The following OSTC variants were observed in gnomAD, a reference collection of about 807,000 sequenced individuals.
The protein encoded by OSTC is oligosaccharyltransferase complex subunit OSTC.
OSTC carries 16 observed loss-of-function variants against 16.4 expected under a neutral mutation model. The ratio of observed to expected loss-of-function variants is 0.98; its 90% CI spans 0.66 to 1.49. The LOEUF (loss-of-function observed/expected upper bound fraction) is 1.49, where lower values mean the gene tolerates loss of function less well. Ranked by LOEUF, OSTC falls within the 40% of genes most tolerant of loss-of-function variation. OSTC has a pLI of 0.00. For synonymous variants in OSTC, 67 were observed against 68.5 expected, an observed-to-expected ratio of 0.98 and a Z score of 0.11; for missense variants, 139 against 186.3, an observed-to-expected ratio of 0.75 and a Z score of 1.48.
intron 3 of OSTC, among the ~76,000 whole-genome samples, chr4:108,664,222 T>TTATTTTAAGTTTGG (rs1726936108): frequency 6.6e-6 from 1 of 152,218 alleles, no homozygotes; most frequent in African/African-American, 2.4e-5. Context: ...AATATTCTTT[T>TTATTTTAAGTTTGG]CTATCTAAAT....
chr4:108,657,876 T>C (rs1578339413), intron 3 of OSTC, among the ~76,000 whole-genome samples: 1 of 151,148 alleles, frequency 6.6e-6, no homozygotes, highest in East Asian at 1.9e-4. Flanking sequence ...AAAATTTAGT[T>C]ACTTTGTCCT....
intron 1 of OSTC, among the ~76,000 whole-genome samples, chr4:108,654,189 G>A (rs1726635872): frequency 6.6e-6 from 1 of 152,222 alleles, no homozygotes; most frequent in Admixed American, 6.5e-5. Context: ...GATCATTGGT[G>A]ACCTTAGAAA....
At chr4:108,661,333 C>T (rs903536388) in intron 3 of OSTC, among the ~76,000 whole-genome samples, 9 of 151,764 alleles carry the variant, frequency 5.9e-5, no homozygotes, top group African/African-American at 2.2e-4. Flanking sequence ...AGTACAGTCT[C>T]AAAGGAGTAA....
chr4:108,654,159 A>G (rs1354331944), intron 1 of OSTC, among the ~76,000 whole-genome samples: 2 of 152,238 alleles, frequency 1.3e-5, no homozygotes, highest in African/African-American at 2.4e-5. Flanking sequence ...AAAAGTGTCT[A>G]TTGAATTTGA....
intron 1 of OSTC, among the ~76,000 whole-genome samples, chr4:108,654,688 A>T (rs746491473): frequency 1.3e-4 from 20 of 152,242 alleles, no homozygotes; most frequent in Non-Finnish European, 2.5e-4. Context: ...ACAGTGGAGA[A>T]GGTAGAGTAG....
At chr4:108,662,595 CTCT>C (rs1414671669) in intron 3 of OSTC, among the ~76,000 whole-genome samples, 7 of 152,156 alleles carry the variant, frequency 4.6e-5, no homozygotes, top group Non-Finnish European at 5.9e-5. Context: ...CATCCTTTCC[CTCT>C]TCTTCTTTTC....
intron 1 of OSTC, chr4:108,651,464 G>A (rs1726542697): frequency 6.6e-6 from 1 of 152,244 alleles, no homozygotes; most frequent in Non-Finnish European, 1.5e-5. Flanking sequence ...AAGATAAATA[G>A]CATTACTATT....
intron 3 of OSTC, among the ~76,000 whole-genome samples, chr4:108,665,471 G>T (rs1192723927): frequency 2.2e-5 from 3 of 135,038 alleles, no homozygotes; most frequent in Admixed American, 8.2e-5. Context: ...TTTTTGAGAC[G>T]GATTCTTGCA....
intron 2 of OSTC, 35 bp downstream of exon 2, chr4:108,655,692 G>A (rs1560622779): frequency 6.8e-7 from 1 of 1,471,216 alleles, no homozygotes; most frequent in Non-Finnish European, 9.5e-7. Context: ...TTGGTGGTGG[G>A]AAAGAAGGTT....
intron 2 of OSTC, 44 bp downstream of exon 2, chr4:108,655,701 T>G: frequency 7.0e-7 from 1 of 1,418,516 alleles, no homozygotes; most frequent in African/African-American, 1.4e-5. Context: ...GGAAAGAAGG[T>G]TGCTGTGGTA....
chr4:108,659,524 T>C (rs1726799042), intron 3 of OSTC, among the ~76,000 whole-genome samples: 1 of 152,040 alleles, frequency 6.6e-6, no homozygotes, highest in Admixed American at 6.5e-5. Context: ...ATCCCAGCAC[T>C]TTGGGAGGCT....
chr4:108,666,092 C>T (rs1467535050), intron 3 of OSTC, among the ~76,000 whole-genome samples: 1 of 152,208 alleles, frequency 6.6e-6, no homozygotes, highest in Non-Finnish European at 1.5e-5. Context: ...CCAGCAGGTA[C>T]AGCTAAAGCT....
intron 3 of OSTC, among the ~76,000 whole-genome samples, chr4:108,665,745 A>G (rs2110389348): frequency 6.6e-6 from 1 of 151,810 alleles, no homozygotes; most frequent in African/African-American, 2.4e-5. Flanking sequence ...GTTTTAGTAG[A>G]GGTGGGTTTT....
At chr4:108,653,461 G>C (rs1726610595) in intron 1 of OSTC, among the ~76,000 whole-genome samples, 1 of 152,124 alleles carries the variant, frequency 6.6e-6, no homozygotes, top group Non-Finnish European at 1.5e-5. Flanking sequence ...CTTTGTAGTT[G>C]ACTTAGACTA....
At chr4:108,667,143 T>G (rs1156923677) in intron 3 of OSTC, 104 bp from the exon 4 acceptor site, 3 of 854,652 alleles carry the variant, frequency 3.5e-6, no homozygotes, top group Non-Finnish European at 3.7e-6. Context: ...GATTGTTATT[T>G]GATATATCAT....
At chr4:108,666,034 C>T (rs1011427651) in intron 3 of OSTC, among the ~76,000 whole-genome samples, 2 of 152,158 alleles carry the variant, frequency 1.3e-5, no homozygotes, top group African/African-American at 4.8e-5. Context: ...CTAACTTGCA[C>T]ATTTAATAAA....
chr4:108,664,172 A>G lies in OSTC; in HGVS notation c.432-3075A>G, dbSNP rs528967847. ...CCCAAATTGTCCTTAAGGTAAAACT[A>G]TTTTAAGTTTGGCAGCTTTGAACAG... On this transcript the variant is annotated intron_variant, in intron 3 of 3. Transcript: ENST00000361564. Among the ~76,000 whole-genome samples, 35 of 152,324 alleles carry G rather than the reference A, an allele frequency of 2.3e-4. No individual in the cohort carries two copies. The South Asian group carries it at 7.0e-3, about 31-fold the overall frequency.
At chr4:108,662,770 T>TAAGTTACAGCTTAAC (rs1726889960) in intron 3 of OSTC, among the ~76,000 whole-genome samples, 2 of 152,322 alleles carry the variant, frequency 1.3e-5, no homozygotes, top group South Asian at 4.1e-4. Context: ...GGAGCTATAT[T>TAAGTTACAGCTTAAC]TTAGAGAGTT....
intron 2 of OSTC, among the ~76,000 whole-genome samples, chr4:108,656,969 C>T (rs1374251073): frequency 1.3e-5 from 2 of 151,532 alleles, no homozygotes; most frequent in African/African-American, 2.4e-5. Context: ...CGTGGTGGCA[C>T]GCGCCTGTAG....
Sources: allele counts gnomAD v4.1 joint callset (sites outside exome capture counted in the v4.1 genomes callset), GRCh38; gene constraint gnomAD v4.1.1; transcripts MANE v1.5; gene names NCBI Gene and HGNC (gene_info 2026-07-23, HGNC 2026-07-21).